Variants in TNPO1 observed in about 807,000 individuals in gnomAD.
TNPO1 encodes transportin-1.
In TNPO1, 8 loss-of-function variants were observed where a neutral mutation model predicts 119.5. The ratio of observed to expected loss-of-function variants is 0.07; its 90% CI spans 0.04 to 0.12. TNPO1 has a LOEUF of 0.12. Among genes scored for constraint, TNPO1 ranks in the 10% least tolerant of loss-of-function variants. The pLI is 1.00. For synonymous variants in TNPO1, 362 were observed against 363.0 expected (o/e 1.00, Z 0.03); for missense variants, 576 against 1,089.8 (o/e 0.53, Z 6.64).
Position 72,890,133 on chromosome 5 carries a change from TTAAAG to T in TNPO1, c.1701+181_1701+185del, listed in dbSNP as rs554293486. Among the ~76,000 whole-genome samples, 14 of 152,378 alleles carry T rather than the reference TTAAAG, an allele frequency of 9.2e-5. No individual in the cohort carries two copies. In the South Asian group the frequency reaches 2.5e-3, roughly 27 times the overall value. On this transcript the variant is annotated intron_variant, in intron 14 of 24. Transcript: ENST00000337273. ...GTATATCCCCTTTCATGTGGTATTCTTAAAGTAAATACATACTTGGTGTGGAAACT... is the reference window on the plus strand; with the variant it reads ...GTATATCCCCTTTCATGTGGTATTCTTAAATACATACTTGGTGTGGAAACT...
chr5:72,859,252 T>C (rs1056160522), intron 4 of TNPO1, among the ~76,000 whole-genome samples: 4 of 152,154 alleles, frequency 2.6e-5, no homozygotes, highest in Non-Finnish European at 4.4e-5. Flanking sequence ...TAATTCTTTG[T>C]TGTTGGGCTA....
At chr5:72,891,054 G>A (rs2112453543) in intron 14 of TNPO1, among the ~76,000 whole-genome samples, 1 of 152,170 alleles carries the variant, frequency 6.6e-6, no homozygotes, top group South Asian at 2.1e-4. Context: ...ATGTTGCCCA[G>A]GCTGGCCCAA....
intron 22 of TNPO1, among the ~76,000 whole-genome samples, chr5:72,902,766 A>G (rs2112495672): frequency 6.6e-6 from 1 of 152,306 alleles, no homozygotes; most frequent in African/African-American, 2.4e-5. Context: ...TGGTTAAAAT[A>G]AAATGTCATA....
At chr5:72,878,375 C>T (rs1454997885) in intron 9 of TNPO1, among the ~76,000 whole-genome samples, 2 of 151,728 alleles carry the variant, frequency 1.3e-5, no homozygotes, top group Admixed American at 6.6e-5. Context: ...GAACCGTATA[C>T]CCCACTGTGT....
intron 9 of TNPO1, among the ~76,000 whole-genome samples, chr5:72,880,633 G>A (rs1047936568): frequency 6.6e-6 from 1 of 152,048 alleles, no homozygotes; most frequent in African/African-American, 2.4e-5. Context: ...TGGCCAACAT[G>A]GTGAAACCCC....
intron 4 of TNPO1, among the ~76,000 whole-genome samples, chr5:72,857,316 C>CA (rs5868650): frequency 0.26 from 35,948 of 136,006 alleles, 4,435 homozygotes; most frequent in African/African-American, 0.29. Flanking sequence ...AAATCTGTCT[C>CA]AAAAAAAAAA....
At chr5:72,863,258 G>C (rs1746617719) in intron 5 of TNPO1, among the ~76,000 whole-genome samples, 1 of 152,050 alleles carries the variant, frequency 6.6e-6, no homozygotes, top group African/African-American at 2.4e-5. Context: ...GTTGAAGGCA[G>C]GGCAGGCACA....
In TNPO1 at chr5:72,913,603, G is replaced by A. The variant is rs1348021748; in HGVS notation, c.*4930G>A. 6.6e-6 allele frequency: 1 copy of A among 152,326 alleles called. No individual in the cohort carries two copies. The highest frequency in any genetic ancestry group is 1.9e-4 in the East Asian group (1 of 5,190). 9.4% of individuals were successfully genotyped at this position (152,326 alleles called of 1,614,324 possible). Reference sequence around the variant, plus strand: ...AGTTTTTCCTTTTATTGCAGTTTTTGTTTATCTGCCATAGAATTTCCTTAT... The same window carrying A: ...AGTTTTTCCTTTTATTGCAGTTTTTATTTATCTGCCATAGAATTTCCTTAT... On this transcript the variant is annotated 3_prime_UTR_variant, in exon 25 of 25. Coordinates refer to ENST00000337273, the MANE Select transcript of TNPO1 (RefSeq NM_002270.4).
Position 72,887,354 on chromosome 5 carries a change from C to A in TNPO1, c.1303+132C>A, listed in dbSNP as rs1748726780. 14 of 983,576 alleles carry A rather than the reference C, an allele frequency of 1.4e-5. No homozygotes were observed. In the South Asian group the frequency reaches 2.8e-4, roughly 20 times the overall value. The allele number at this position is 983,576 out of a possible 1,614,324, so 60.9% of individuals were successfully genotyped here. On this transcript the variant is annotated intron_variant, in intron 12 of 24. Transcript: ENST00000337273. ...GTATTAAACAGCCATAGGCCGTCTTCTAACCCCAGCTAGATATTTTGCAAA... is the reference window on the plus strand; with the variant it reads ...GTATTAAACAGCCATAGGCCGTCTTATAACCCCAGCTAGATATTTTGCAAA...
Position 72,816,741 on chromosome 5 carries a change from G to C in TNPO1, c.4G>C (p.Val2Leu), listed in dbSNP as rs776104235. 6.3e-7 allele frequency: 1 copy of C among 1,585,934 alleles called. No individual in the cohort carries two copies. The highest frequency in any genetic ancestry group is 8.6e-7 in the Non-Finnish European group (1 of 1,167,906). The change falls in exon 1 of 25, where the codon GTG (valine) becomes CTG (leucine). Residue 2 changes from valine to leucine, a missense_variant. Val to Leu is a conservative substitution (Grantham distance 32). Coordinates refer to ENST00000337273, the MANE Select transcript of TNPO1 (RefSeq NM_002270.4). ...CCGAGCGCCCGAGGCGTCTGGGATGGTGTGGGACCGGGTAGGTGGCGTGAG... is the reference window on the plus strand; with the variant it reads ...CCGAGCGCCCGAGGCGTCTGGGATGCTGTGGGACCGGGTAGGTGGCGTGAG... M[V>L]WDRQTKMEYE...
In TNPO1 at chr5:72,838,629, G is replaced by A. The variant is rs115647661; in HGVS notation, c.16-9756G>A. Among the ~76,000 whole-genome samples, 740 of 152,230 alleles carry A rather than the reference G, an allele frequency of 4.9e-3. 7 individuals are homozygous for A. Among genetic ancestry groups the A allele is most frequent in the African/African-American group, 0.017 (718 of 41,554 alleles). ...ATTCAGTGCCATTATTTTACCTAGA[G>A]TACTACAGCTTGTCTCCATCTTTTA... On this transcript the variant is annotated intron_variant, in intron 1 of 24. Transcript: ENST00000337273.
chr5:72,893,269 C>G (rs372859684), intron 16 of TNPO1, 23 bp downstream of exon 16: 13 of 1,608,940 alleles, frequency 8.1e-6, no homozygotes, highest in Non-Finnish European at 7.6e-6. Context: ...AAATGTCTTC[C>G]TCTTCTTGAC....
chr5:72,877,263 T>C lies in TNPO1; in HGVS notation c.837T>C (p.Asn279=). 1 of 1,612,668 alleles carries C rather than the reference T, an allele frequency of 6.2e-7. No homozygotes were observed. Among genetic ancestry groups the C allele is most frequent in the Admixed American group, 1.7e-5 (1 of 59,996 alleles). Reference sequence around the variant, plus strand: ...AGAGGACTCAAGATCAAGATGAAAATGTGGCTTTAGAAGCCTGTGAATTTT... The same window carrying C: ...AGAGGACTCAAGATCAAGATGAAAACGTGGCTTTAGAAGCCTGTGAATTTT... ...MLQRTQDQDE[N]VALEACEFWL... The change falls in exon 9 of 25, where the codon AAT becomes AAC. Residue 279 remains asparagine (N), a synonymous_variant. Transcript: ENST00000337273.
rs138871601 is a variant in TNPO1, at chr5:72,883,488, T to G, written c.1150+256T>G. Among the ~76,000 whole-genome samples the G allele has an allele frequency of 7.0e-4, 106 of 152,334 alleles. 1 individual carries two copies. Among genetic ancestry groups the G allele is most frequent in the Admixed American group, 2.3e-3 (35 of 15,304 alleles). On this transcript the variant is annotated intron_variant, in intron 11 of 24. Transcript: ENST00000337273. ...AATATTCTGTCTCTGGGTTTGCCTA[T>G]TCTAGACATTTCATGTAAATGGAGT...
chr5:72,836,184 T>C (rs1372359612), intron 1 of TNPO1, among the ~76,000 whole-genome samples: 1 of 152,114 alleles, frequency 6.6e-6, no homozygotes, highest in Non-Finnish European at 1.5e-5. Context: ...TTGTGTAGGC[T>C]CTCTGCTGTA....
chr5:72,905,083 CGTG>C (rs1220765939), intron 23 of TNPO1, among the ~76,000 whole-genome samples: 2 of 152,066 alleles, frequency 1.3e-5, no homozygotes, highest in African/African-American at 4.8e-5. Context: ...TCCCACAACA[CGTG>C]GGAATTATGG....
chr5:72,835,176 A>G (rs918116975), intron 1 of TNPO1, among the ~76,000 whole-genome samples: 7 of 152,218 alleles, frequency 4.6e-5, no homozygotes, highest in Non-Finnish European at 4.4e-5. Context: ...TAACTGACAC[A>G]TGACTAAGTT....
intron 2 of TNPO1, among the ~76,000 whole-genome samples, chr5:72,849,644 C>G (rs1459293985): frequency 6.6e-6 from 1 of 152,176 alleles, no homozygotes; most frequent in Non-Finnish European, 1.5e-5. Flanking sequence ...TAATGTAGTA[C>G]TTCCCATTTA....
intron 9 of TNPO1, chr5:72,878,452 C>CA (rs567685000): frequency 0.011 from 1,351 of 128,412 alleles, 14 homozygotes; most frequent in African/African-American, 0.033. Context: ...TCTGGATAAG[C>CA]AAAAAAAAAA....
Sources: allele counts gnomAD v4.1 joint callset (sites outside exome capture counted in the v4.1 genomes callset), GRCh38; gene constraint gnomAD v4.1.1; transcripts MANE v1.5; gene names NCBI Gene and HGNC (gene_info 2026-07-23, HGNC 2026-07-21).